The following CAMTA1 variants were observed in gnomAD, a reference collection of about 807,000 sequenced individuals.
CAMTA1 encodes the protein calmodulin-binding transcription activator 1.
CAMTA1 carries 27 observed loss-of-function variants against 170.9 expected under a neutral mutation model. The observed-to-expected ratio is 0.16, with a 90% CI of 0.12 to 0.22. The LOEUF (loss-of-function observed/expected upper bound fraction) is 0.22, where lower values mean the gene tolerates loss of function less well. CAMTA1 is among the 10% of genes least tolerant of loss of function. The pLI is 1.00. For synonymous variants in CAMTA1, 833 were observed against 891.5 expected (o/e 0.93, Z 1.17); for missense variants, 1,619 against 2,217.2 (o/e 0.73, Z 5.42).
In CAMTA1 at chr1:7,281,122, A is replaced by G. The variant is rs186179598; in HGVS notation, c.438+31496A>G. The stretch of plus-strand genomic sequence containing the variant: ...TCACCCAACCAGCCACTTTACCTAA[A>G]CAAAGGGTACCTCTATGTCTAGTTC... On this transcript the variant is annotated intron_variant, in intron 5 of 22. Transcript: ENST00000303635. Among the ~76,000 whole-genome samples the G allele has an allele frequency of 3.9e-5, 6 of 152,350 alleles. 1 individual carries two copies. In the East Asian group the frequency reaches 9.6e-4, roughly 24 times the overall value.
At chr1:7,393,059 A>AAAAG (rs971058187) in intron 5 of CAMTA1, among the ~76,000 whole-genome samples, 2 of 151,330 alleles carry the variant, frequency 1.3e-5, no homozygotes, top group African/African-American at 4.9e-5. Flanking sequence ...TCTCTTAAAA[A>AAAAG]AAAAAAAAAA....
chr1:7,581,782 CT>C (rs1319832308), intron 6 of CAMTA1, among the ~76,000 whole-genome samples: 1 of 152,234 alleles, frequency 6.6e-6, no homozygotes, highest in East Asian at 1.9e-4. Context: ...GGAAGGAGCA[CT>C]GTTTCTGGAG....
At chr1:6,856,398 A>G (rs1418885348) in intron 3 of CAMTA1, among the ~76,000 whole-genome samples, 1 of 149,966 alleles carries the variant, frequency 6.7e-6, no homozygotes, top group African/African-American at 2.5e-5. Context: ...TCTATTCCAG[A>G]CAATGTGTTT....
chr1:7,667,359 G>C (rs1224706586), intron 9 of CAMTA1, among the ~76,000 whole-genome samples: 1 of 152,226 alleles, frequency 6.6e-6, no homozygotes, highest in East Asian at 1.9e-4. Context: ...ATCAGGGTGC[G>C]GGGGGACGGT....
chr1:6,945,357 A>AT (rs977484671), intron 3 of CAMTA1, among the ~76,000 whole-genome samples: 2 of 151,506 alleles, frequency 1.3e-5, no homozygotes, highest in African/African-American at 4.9e-5. Context: ...TTTTTAACTA[A>AT]TTTTTTTTGT....
At chr1:7,263,773 G>T (rs1329802390) in intron 5 of CAMTA1, among the ~76,000 whole-genome samples, 1 of 152,166 alleles carries the variant, frequency 6.6e-6, no homozygotes, top group Non-Finnish European at 1.5e-5. Flanking sequence ...CATATTCTGT[G>T]CTTAGAATAT....
At chr1:7,451,515 A>C (rs2092824058) in intron 5 of CAMTA1, among the ~76,000 whole-genome samples, 1 of 151,924 alleles carries the variant, frequency 6.6e-6, no homozygotes, top group Admixed American at 6.6e-5. Context: ...CCACCTTTCC[A>C]CCTTGAGTCC....
At chr1:6,800,099 A>G (rs1312532303) in intron 1 of CAMTA1, among the ~76,000 whole-genome samples, 3 of 152,098 alleles carry the variant, frequency 2.0e-5, no homozygotes, top group East Asian at 3.8e-4. Context: ...TGTTTAATAT[A>G]CTATATTTAC....
chr1:7,155,514 C>T (rs1573513430), intron 4 of CAMTA1, among the ~76,000 whole-genome samples: 1 of 139,302 alleles, frequency 7.2e-6, no homozygotes, highest in African/African-American at 2.6e-5. Flanking sequence ...GGCATGAGGT[C>T]TTTTTTTTTT....
At chr1:7,245,680 G>A (rs553517230) in intron 4 of CAMTA1, among the ~76,000 whole-genome samples, 573 of 152,136 alleles carry the variant, frequency 3.8e-3, no homozygotes, top group African/African-American at 0.013. Flanking sequence ...TGTTGTCCCC[G>A]TATTTTTCTT....
At chr1:7,016,699 G>A (rs1372561376) in intron 3 of CAMTA1, among the ~76,000 whole-genome samples, 1 of 152,196 alleles carries the variant, frequency 6.6e-6, no homozygotes, top group African/African-American at 2.4e-5. Flanking sequence ...GCCTTGCGTG[G>A]TGGCAGACAC....
At chr1:6,986,346 G>A (rs1231050659) in intron 3 of CAMTA1, among the ~76,000 whole-genome samples, 3 of 152,168 alleles carry the variant, frequency 2.0e-5, no homozygotes, top group Admixed American at 6.5e-5. Flanking sequence ...TGTCCCCTGC[G>A]AGGCAGGGGA....
At chr1:7,390,927 G>A (rs548636253) in intron 5 of CAMTA1, among the ~76,000 whole-genome samples, 33 of 152,150 alleles carry the variant, frequency 2.2e-4, no homozygotes, top group Non-Finnish European at 3.5e-4. Flanking sequence ...CCTCGCCTCC[G>A]TTGGAGTGGC....
intron 5 of CAMTA1, among the ~76,000 whole-genome samples, chr1:7,410,883 T>TG (rs1178041273): frequency 6.9e-6 from 1 of 145,534 alleles, no homozygotes; most frequent in African/African-American, 2.6e-5. Flanking sequence ...CCAACGTGCA[T>TG]GGAGGGTGGG....
chr1:7,156,934 A>G (rs1404934556), intron 4 of CAMTA1, among the ~76,000 whole-genome samples: 2 of 152,186 alleles, frequency 1.3e-5, no homozygotes, highest in African/African-American at 4.8e-5. Context: ...ACTGTAAGAG[A>G]CGGGCTTTCA....
intron 3 of CAMTA1, among the ~76,000 whole-genome samples, chr1:7,078,282 T>C (rs959349756): frequency 6.6e-6 from 1 of 152,236 alleles, no homozygotes; most frequent in South Asian, 2.1e-4. Flanking sequence ...GAAGGACTTA[T>C]AACAACAATC....
chr1:6,863,590 C>G (rs941212557), intron 3 of CAMTA1, among the ~76,000 whole-genome samples: 1 of 152,222 alleles, frequency 6.6e-6, no homozygotes, highest in South Asian at 2.1e-4. Context: ...GGTACTTGAG[C>G]CTCCCAGGCG....
chr1:6,930,993 C>G lies in CAMTA1; in HGVS notation c.234+105783C>G, dbSNP rs1684309747. Among the ~76,000 whole-genome samples the G allele has an allele frequency of 2.6e-5, 4 of 152,358 alleles. No homozygotes were observed. The South Asian group carries it at 8.3e-4, about 32-fold the overall frequency. ...AGCTTTTGAAATTCTAAAGCCACGGCTTTGATTCTTCTGTTCTCTGGTTCC... is the reference window on the plus strand; with the variant it reads ...AGCTTTTGAAATTCTAAAGCCACGGGTTTGATTCTTCTGTTCTCTGGTTCC... On this transcript the variant is annotated intron_variant, in intron 3 of 22. Transcript: ENST00000303635.
chr1:6,977,525 A>G (rs7415982), intron 3 of CAMTA1, among the ~76,000 whole-genome samples: 23,324 of 151,976 alleles, frequency 0.15, 2,224 homozygotes, highest in African/African-American at 0.26. Flanking sequence ...TATTTTTAGT[A>G]CAGACGAGGT....
Sources: gnomAD v4.1 joint callset for allele counts (sites outside exome capture counted in the v4.1 genomes callset) on GRCh38, gnomAD v4.1.1 for gene constraint, MANE v1.5 for transcripts, NCBI Gene and HGNC (gene_info 2026-07-23, HGNC 2026-07-21) for gene names.